ANKIB1: variants seen among roughly 807,000 people sequenced by gnomAD.
ANKIB1 encodes ankyrin repeat and IBR domain-containing protein 1.
A neutral mutation model predicts 122.1 loss-of-function variants in ANKIB1; 43 were observed. The observed-to-expected ratio is 0.35, with a 90% confidence interval of 0.28 to 0.45. The LOEUF is 0.45. ANKIB1 is among the 20% of genes least tolerant of loss of function. The pLI, the probability that ANKIB1 is intolerant of heterozygous loss-of-function variation, is 1.00. For missense variants in ANKIB1, 992 were observed against 1,329.5 expected (o/e 0.75, Z 3.95); for synonymous variants, 390 against 442.0 (o/e 0.88, Z 1.48).
Position 92,398,579 on chromosome 7 carries a change from A to G in ANKIB1, c.2900A>G (p.Asp967Gly), listed in dbSNP as rs1325776976. The G allele has an allele frequency of 6.2e-7, 1 of 1,613,966 alleles. No homozygotes were observed. The highest frequency in any genetic ancestry group is 1.7e-5 in the Admixed American group (1 of 60,018). Residue 967 changes from aspartate to glycine, a missense_variant, in exon 20 of 20, where the codon GAC becomes GGC. By Grantham distance (94) the Asp-to-Gly change is moderately conservative. This residue lies in a region of ANKIB1 where 384 missense variants were observed against 412.0 expected (regional missense o/e 0.93). Transcript: ENST00000265742. ...DSAGQDPNIN[D>G]NLLGNIMAWF... ...GCTGGCCAGGACCCCAACATCAATGACAATCTTCTCGGCAACATCATGGCT... is the reference window on the plus strand; with the variant it reads ...GCTGGCCAGGACCCCAACATCAATGGCAATCTTCTCGGCAACATCATGGCT...
chr7:92,328,338 A>G (rs1164747973), intron 5 of ANKIB1, among the ~76,000 whole-genome samples: 1 of 152,168 alleles, frequency 6.6e-6, no homozygotes, highest in African/African-American at 2.4e-5. Context: ...TTTATATGGT[A>G]GCTATTTCTC....
At chr7:92,301,771 T>C (rs540921802) in intron 2 of ANKIB1, among the ~76,000 whole-genome samples, 1 of 152,162 alleles carries the variant, frequency 6.6e-6, no homozygotes, top group Non-Finnish European at 1.5e-5. Context: ...AAAATAACTT[T>C]TATTTAATTA....
chr7:92,362,057 C>T (rs140343417), intron 9 of ANKIB1, 128 bp from the exon 10 acceptor site: 47,549 of 708,884 alleles, frequency 0.067, 1,992 homozygotes, highest in Non-Finnish European at 0.086. Context: ...GTGATCCACC[C>T]GCCTTGGCCT....
intron 7 of ANKIB1, among the ~76,000 whole-genome samples, chr7:92,346,416 C>T (rs1392857018): frequency 6.6e-6 from 1 of 152,110 alleles, no homozygotes; most frequent in African/African-American, 2.4e-5. Flanking sequence ...ATTTTGAGTA[C>T]ATTTCTTTAT....
chr7:92,333,599 T>C (rs1803224666), intron 5 of ANKIB1, among the ~76,000 whole-genome samples: 1 of 152,180 alleles, frequency 6.6e-6, no homozygotes, highest in Admixed American at 6.5e-5. Flanking sequence ...TTTACGTGTT[T>C]ATTTTACTCA....
chr7:92,344,909 TAAAC>T, intron 6 of ANKIB1, 65 bp from the exon 7 acceptor site: 1 of 1,380,290 alleles, frequency 7.2e-7, no homozygotes, highest in Middle Eastern at 1.8e-4. Flanking sequence ...TTTAAAAAAG[TAAAC>T]AAAATGTATT....
chr7:92,272,361 T>A (rs1801814616), intron 1 of ANKIB1, among the ~76,000 whole-genome samples: 1 of 152,142 alleles, frequency 6.6e-6, no homozygotes, highest in Non-Finnish European at 1.5e-5. Flanking sequence ...GTAAGCTAGA[T>A]GATGATAAGA....
In ANKIB1 at chr7:92,334,182, T is replaced by G. The variant is rs944526826; in HGVS notation, c.787+6282T>G. On this transcript the variant is annotated intron_variant, in intron 5 of 19. Transcript: ENST00000265742. ...GTAATAGTACTTAATGCTGTTATTATTGAATTCCTTATGTGTTGTAATGCA... is the reference window on the plus strand; with the variant it reads ...GTAATAGTACTTAATGCTGTTATTAGTGAATTCCTTATGTGTTGTAATGCA... 3.2e-4 allele frequency among the ~76,000 whole-genome samples: 48 copies of G among 152,156 alleles called. 1 individual carries two copies. Among genetic ancestry groups the G allele is most frequent in the African/African-American group, 1.1e-3 (47 of 41,464 alleles).
intron 7 of ANKIB1, 135 bp from the exon 8 acceptor site, chr7:92,350,815 C>A: frequency 1.3e-6 from 1 of 782,002 alleles, no homozygotes; most frequent in Non-Finnish European, 2.0e-6. Flanking sequence ...TGTGATCGTG[C>A]CACTGCACTC....
At position 92,300,522 on chromosome 7, in the gene ANKIB1, A is replaced by G. The variant is rs375068110; in HGVS notation, c.188+5356A>G. Among the ~76,000 whole-genome samples the G allele has an allele frequency of 3.9e-4, 60 of 152,168 alleles. 1 individual carries two copies. The highest frequency in any genetic ancestry group is 9.9e-4 in the African/African-American group (41 of 41,544). ...CTTTTGTCTTTGGAAATTTATTTAG[A>G]TAGTACAGAGAGAATCACAAATCAG... On this transcript the variant is annotated intron_variant, in intron 2 of 19. Transcript: ENST00000265742.
intron 2 of ANKIB1, among the ~76,000 whole-genome samples, chr7:92,305,639 T>C (rs73414038): frequency 0.034 from 5,186 of 152,194 alleles, 257 homozygotes; most frequent in African/African-American, 0.11. Context: ...CTAAGTAGTG[T>C]TGGTTTGCTT....
chr7:92,254,038 G>C (rs888633569), intron 1 of ANKIB1, among the ~76,000 whole-genome samples: 1 of 152,178 alleles, frequency 6.6e-6, no homozygotes, highest in Non-Finnish European at 1.5e-5. Flanking sequence ...GAGGAAGCTG[G>C]TCTAGTGTAA....
In ANKIB1 at chr7:92,343,161, A is replaced by G; in HGVS notation, c.925A>G (p.Arg309Gly). ...WDTLPSPRTPRTTRSSVTSPD... is the reference protein window; with the variant it reads ...WDTLPSPRTPGTTRSSVTSPD... Reference sequence around the variant, plus strand: ...CACGCTCCCATCTCCAAGAACTCCAAGGACTACACGCTCTTCTGTCACCTC... The same window carrying G: ...CACGCTCCCATCTCCAAGAACTCCAGGGACTACACGCTCTTCTGTCACCTC... The change falls in exon 6 of 20, where the codon AGG becomes GGG. Residue 309 changes from arginine (R) to glycine (G), a missense_variant. Around this residue, in one of 4 missense-constraint regions of ANKIB1, gnomAD observed 521 missense variants for 777.7 expected, o/e 0.67. Coordinates refer to ENST00000265742, the MANE Select transcript of ANKIB1 (RefSeq NM_019004.2). 1.9e-6 allele frequency: 3 copies of G among 1,613,988 alleles called. No homozygotes were observed. The highest frequency in any genetic ancestry group is 1.1e-5 in the South Asian group (1 of 91,080).
At chr7:92,378,480 C>CAAAAAAAAAA (rs146294657) in intron 11 of ANKIB1, among the ~76,000 whole-genome samples, 1 of 80,386 alleles carries the variant, frequency 1.2e-5, no homozygotes, top group Non-Finnish European at 3.1e-5. Context: ...AGCTATTTGA[C>CAAAAAAAAAA]AAAAAAAAAA....
chr7:92,398,483 A>C lies in ANKIB1; in HGVS notation c.2804A>C (p.Asp935Ala). ...LGAENDPFST[D>A]TLSSHPLSEA... The stretch of plus-strand genomic sequence containing the variant: ...GCAGAGAATGACCCATTTTCAACTG[A>C]CACCCTGAGCTCACACCCTCTCAGT... The change falls in exon 20 of 20, where the codon GAC becomes GCC. Residue 935 changes from aspartate (D) to alanine (A), a missense_variant. Physicochemically the swap from Asp to Ala is moderately radical, Grantham distance 126. Around this residue, in one of 4 missense-constraint regions of ANKIB1, gnomAD observed 384 missense variants for 412.0 expected, o/e 0.93. Transcript: ENST00000265742. 2 of 1,613,886 alleles carry C rather than the reference A, an allele frequency of 1.2e-6. No homozygotes were observed. Among genetic ancestry groups the C allele is most frequent in the South Asian group, 2.2e-5 (2 of 91,078 alleles).
intron 1 of ANKIB1, among the ~76,000 whole-genome samples, chr7:92,257,407 G>GA (rs1367154680): frequency 1.3e-5 from 2 of 152,080 alleles, no homozygotes; most frequent in African/African-American, 4.8e-5. Context: ...AGCAGGGAAT[G>GA]AAAAAAGGGC....
At chr7:92,316,944 CA>C (rs1802807006) in intron 3 of ANKIB1, among the ~76,000 whole-genome samples, 1 of 152,022 alleles carries the variant, frequency 6.6e-6, no homozygotes, top group Non-Finnish European at 1.5e-5. Flanking sequence ...CAAAGTAAAC[CA>C]AATCCTGATT....
intron 10 of ANKIB1, among the ~76,000 whole-genome samples, chr7:92,370,353 A>G (rs1054364275): frequency 6.6e-6 from 1 of 151,492 alleles, no homozygotes; most frequent in East Asian, 1.9e-4. Context: ...CTAAAAATAC[A>G]AAAAATTAGC....
At chr7:92,288,767 G>A (rs570196618) in intron 1 of ANKIB1, among the ~76,000 whole-genome samples, 5 of 151,614 alleles carry the variant, frequency 3.3e-5, no homozygotes, top group South Asian at 2.1e-4. Flanking sequence ...AAGCATGTTC[G>A]ACATCATTCA....
Sources: gnomAD v4.1 joint callset for allele counts (sites outside exome capture counted in the v4.1 genomes callset) on GRCh38, gnomAD v4.1.1 for gene constraint, gnomAD v4.1.1 regional missense constraint, MANE v1.5 for transcripts, NCBI Gene and HGNC (gene_info 2026-07-23, HGNC 2026-07-21) for gene names.